Variants in TAOK1 observed in about 807,000 individuals in gnomAD.
The protein encoded by TAOK1 is TAO kinase 1, also known as serine/threonine-protein kinase TAO1.
TAOK1 carries 21 observed loss-of-function variants against 138.3 expected under a neutral mutation model. That is an observed-to-expected ratio of 0.15 (90% CI 0.11 to 0.22). The LOEUF is 0.22. Ranked by LOEUF, TAOK1 falls within the 10% of genes least tolerant of loss-of-function variation. TAOK1 has a pLI of 1.00. For missense variants in TAOK1, 651 were observed against 1,227.7 expected (o/e 0.53, Z 7.02); for synonymous variants, 361 against 398.4 (o/e 0.91, Z 1.12).
intron 1 of TAOK1, among the ~76,000 whole-genome samples, chr17:29,415,314 T>C (rs528904764): frequency 6.6e-6 from 1 of 152,318 alleles, no homozygotes; most frequent in South Asian, 2.1e-4. Flanking sequence ...TGTGAACATA[T>C]TTGTACATTA....
At chr17:29,537,911 A>G (rs911970184) in intron 19 of TAOK1, among the ~76,000 whole-genome samples, 14 of 152,198 alleles carry the variant, frequency 9.2e-5, no homozygotes, top group African/African-American at 3.4e-4. Flanking sequence ...CAGGAGTTCA[A>G]GACCAGCCTG....
chr17:29,434,891 A>G (rs755394693), intron 1 of TAOK1, among the ~76,000 whole-genome samples: 3 of 152,118 alleles, frequency 2.0e-5, no homozygotes, highest in South Asian at 2.1e-4. Context: ...GGGGAGTTGC[A>G]TGGACTCCTT....
At chr17:29,472,719 C>A (rs920190856) in intron 3 of TAOK1, among the ~76,000 whole-genome samples, 1 of 151,958 alleles carries the variant, frequency 6.6e-6, no homozygotes, top group African/African-American at 2.4e-5. Flanking sequence ...GGATTACAGT[C>A]ATGCACCACC....
intron 2 of TAOK1, among the ~76,000 whole-genome samples, chr17:29,466,206 C>T (rs1376879892): frequency 2.0e-5 from 3 of 152,078 alleles, no homozygotes; most frequent in East Asian, 1.9e-4. Flanking sequence ...TGCAGTGGCA[C>T]GGTCATGGCT....
chr17:29,486,163 C>G (rs1421179563), intron 8 of TAOK1, among the ~76,000 whole-genome samples: 1 of 151,970 alleles, frequency 6.6e-6, no homozygotes, highest in South Asian at 2.1e-4. Flanking sequence ...GTGACATGCA[C>G]CTGTAGTCCC....
Position 29,498,392 on chromosome 17 carries a change from C to T in TAOK1, c.1074C>T (p.Ser358=), listed in dbSNP as rs2031453119. 6.2e-7 allele frequency: 1 copy of T among 1,614,164 alleles called. No homozygotes were observed. Among genetic ancestry groups the T allele is most frequent in the Non-Finnish European group, 8.5e-7 (1 of 1,180,026 alleles). Residue 358 remains serine (S), a synonymous_variant, in exon 12 of 20, where the codon TCC becomes TCT. Transcript: ENST00000261716. ...GTAATCAATCCATTCCCAGCATGTCCATCAGTGCCAGCAGCCAAAGCAGTA... is the reference window on the plus strand; with the variant it reads ...GTAATCAATCCATTCCCAGCATGTCTATCAGTGCCAGCAGCCAAAGCAGTA... ...VGSNQSIPSM[S]ISASSQSSSV...
chr17:29,504,408 A>G (rs1019066729), intron 13 of TAOK1, among the ~76,000 whole-genome samples: 8 of 151,616 alleles, frequency 5.3e-5, no homozygotes, highest in Admixed American at 1.3e-4. Flanking sequence ...GGTGGCTCAC[A>G]CCTGTAATCC....
intron 14 of TAOK1, among the ~76,000 whole-genome samples, chr17:29,508,788 G>A (rs576997213): frequency 2.0e-5 from 3 of 152,188 alleles, no homozygotes; most frequent in South Asian, 4.1e-4. Context: ...TTTGATTATT[G>A]ACAAATAATT....
At chr17:29,459,496 A>G (rs2030480814) in intron 2 of TAOK1, among the ~76,000 whole-genome samples, 1 of 151,968 alleles carries the variant, frequency 6.6e-6, no homozygotes, top group Non-Finnish European at 1.5e-5. Flanking sequence ...CATGTTGGCC[A>G]GGCTGGTCTC....
intron 1 of TAOK1, among the ~76,000 whole-genome samples, chr17:29,400,636 T>C (rs1904810340): frequency 6.6e-6 from 1 of 152,086 alleles, no homozygotes; most frequent in Non-Finnish European, 1.5e-5. Context: ...AAGTGATTAT[T>C]ATGTGCCAGA....
At chr17:29,525,014 G>T (rs1197233197) in intron 17 of TAOK1, among the ~76,000 whole-genome samples, 4 of 152,094 alleles carry the variant, frequency 2.6e-5, no homozygotes, top group Non-Finnish European at 5.9e-5. Flanking sequence ...TTTTACTCTT[G>T]TTAAAGAAAA....
intron 3 of TAOK1, among the ~76,000 whole-genome samples, chr17:29,472,630 AT>A (rs2030849577): frequency 1.4e-5 from 2 of 146,506 alleles, no homozygotes; most frequent in Non-Finnish European, 3.0e-5. Context: ...CTGGGGTGCA[AT>A]GGCACTATCT....
chr17:29,473,961 A>T (rs1220556945), intron 3 of TAOK1, among the ~76,000 whole-genome samples: 1 of 152,046 alleles, frequency 6.6e-6, no homozygotes, highest in African/African-American at 2.4e-5. Context: ...TGAACTCCTG[A>T]CCTCAAGTGA....
At chr17:29,467,240 GT>G in intron 3 of TAOK1, 24 bp downstream of exon 3, 2 of 1,435,242 alleles carry the variant, frequency 1.4e-6, no homozygotes, top group Non-Finnish European at 1.9e-6. Flanking sequence ...GTACATTCTT[GT>G]TTTTTTCTTA....
intron 17 of TAOK1, among the ~76,000 whole-genome samples, chr17:29,523,412 G>A (rs1464539991): frequency 6.6e-6 from 1 of 152,164 alleles, no homozygotes; most frequent in Non-Finnish European, 1.5e-5. Flanking sequence ...TTTTGAGACA[G>A]AGTCTCGCTC....
At chr17:29,440,194 G>A (rs1483250239) in intron 1 of TAOK1, among the ~76,000 whole-genome samples, 3 of 151,974 alleles carry the variant, frequency 2.0e-5, no homozygotes, top group Non-Finnish European at 4.4e-5. Context: ...AAAATCACAC[G>A]AGCAATGTTA....
At chr17:29,507,631 G>T (rs2031651152) in intron 13 of TAOK1, among the ~76,000 whole-genome samples, 1 of 152,026 alleles carries the variant, frequency 6.6e-6, no homozygotes, top group South Asian at 2.1e-4. Context: ...GTATCACATT[G>T]TCTTGATTAC....
chr17:29,522,402 G>A lies in TAOK1; in HGVS notation c.2031G>A (p.Leu677=). ...CAATTCAGAAGATGCGCTGTGAGTT[G>A]ATCAGATTACAGCATCAAACTGAGC... ...LNTIQKMRCE[L]IRLQHQTELT... is the part of the protein sequence containing the mutation. Residue 677 remains leucine (L), a synonymous_variant, in exon 17 of 20, where the codon TTG becomes TTA. Coordinates refer to ENST00000261716, the MANE Select transcript of TAOK1 (RefSeq NM_020791.4). 7 of 1,614,164 alleles carry A rather than the reference G, an allele frequency of 4.3e-6. No individual in the cohort carries two copies. Among genetic ancestry groups the A allele is most frequent in the Non-Finnish European group, 5.9e-6 (7 of 1,180,044 alleles).
rs141218120 is a variant in TAOK1 at position 29,405,728 on chromosome 17, G to A, written c.-95+14704G>A. Among the ~76,000 whole-genome samples the A allele has an allele frequency of 5.1e-3, 779 of 152,104 alleles. 5 individuals carry two copies. The highest frequency in any genetic ancestry group is 8.7e-3 in the Admixed American group (133 of 15,246). ...TGGGAGGCGGAGTTTGCAGTGAGCC[G>A]ACATCGAACCTCTCTACTCCAGCCT... On this transcript the variant is annotated intron_variant, in intron 1 of 19. Transcript: ENST00000261716.
Sources: allele counts gnomAD v4.1 joint callset (sites outside exome capture counted in the v4.1 genomes callset), GRCh38; gene constraint gnomAD v4.1.1; transcripts MANE v1.5; gene names NCBI Gene and HGNC (gene_info 2026-07-23, HGNC 2026-07-21).